Variants in PTGIS observed in about 807,000 individuals in gnomAD.
PTGIS encodes the protein prostaglandin I2 synthase.
PTGIS carries 45 observed loss-of-function variants against 50.3 expected under a neutral mutation model. The observed-to-expected ratio is 0.90, with a 90% confidence interval of 0.70 to 1.15. PTGIS has a LOEUF of 1.15. Ranked by LOEUF, PTGIS falls within the 50% of genes most tolerant of loss-of-function variation. PTGIS has a pLI of 0.00. For missense variants in PTGIS, 668 were observed against 661.3 expected (o/e 1.01, Z -0.11); for synonymous variants, 260 against 267.7 (o/e 0.97, Z 0.28).
intron 9 of PTGIS, among the ~76,000 whole-genome samples, chr20:49,508,610 G>A (rs1352808837): frequency 6.6e-6 from 1 of 152,152 alleles, no homozygotes; most frequent in Non-Finnish European, 1.5e-5. Context: ...CCACACTCCT[G>A]GAACCCTCAC....
intron 1 of PTGIS, among the ~76,000 whole-genome samples, chr20:49,561,814 G>A (rs887667166): frequency 3.3e-5 from 5 of 152,318 alleles, no homozygotes; most frequent in Admixed American, 2.0e-4. Flanking sequence ...CTAGTAGCTG[G>A]GAAGCAGCTG....
At position 49,547,917 on chromosome 20, in the gene PTGIS, T is replaced by C. The variant is rs772917943; in HGVS notation, c.301A>G (p.Ile101Val). ...TCAAAAATCCTCTCCATGAGGAAGA[T>C]GGCATAGGCATGGAAGTCGAGCCTG... ...RTRLDFHAYA[I>V]FLMERIFDVQ... Residue 101 changes from isoleucine (I) to valine (V), a missense_variant, in exon 3 of 10, where the codon ATC becomes GTC. Transcript: ENST00000244043. 3 of 1,614,026 alleles carry C rather than the reference T, an allele frequency of 1.9e-6. No homozygotes were observed. Among genetic ancestry groups the C allele is most frequent in the African/African-American group, 2.7e-5 (2 of 74,920 alleles).
At chr20:49,511,318 A>G in intron 8 of PTGIS, 139 bp from the exon 9 acceptor site, 2 of 969,452 alleles carry the variant, frequency 2.1e-6, no homozygotes, top group South Asian at 2.8e-5. Flanking sequence ...TTGATAGGGG[A>G]TTGGTTAAAA....
chr20:49,539,736 C>T lies in PTGIS; in HGVS notation c.522-15G>A, dbSNP rs1555804674. ...GGTAGCCGGCTCTGGGGGCGGCAGA[C>T]AGAGGGTCAGGGGTCCTCCTGGGAC... On this transcript the variant is annotated splice_polypyrimidine_tract_variant and intron_variant, in intron 4 of 9. Transcript: ENST00000244043. 2 of 1,606,974 alleles carry T rather than the reference C, an allele frequency of 1.2e-6. No homozygotes were observed. The highest frequency in any genetic ancestry group is 1.7e-6 in the Non-Finnish European group (2 of 1,179,174).
chr20:49,565,815 G>A (rs1403443072), intron 1 of PTGIS, among the ~76,000 whole-genome samples: 4 of 152,170 alleles, frequency 2.6e-5, no homozygotes, highest in Admixed American at 6.5e-5. Context: ...AAGTGAGATT[G>A]GGGATCTAAA....
chr20:49,556,123 A>T, intron 1 of PTGIS, among the ~76,000 whole-genome samples: 1 of 152,180 alleles, frequency 6.6e-6, no homozygotes, highest in East Asian at 1.9e-4. Flanking sequence ...AGTAAAGTAT[A>T]CTCTCATGAG....
At chr20:49,518,090 G>A (rs1357385375) in intron 6 of PTGIS, among the ~76,000 whole-genome samples, 1 of 152,250 alleles carries the variant, frequency 6.6e-6, no homozygotes, top group Non-Finnish European at 1.5e-5. Flanking sequence ...ATCCCCCAGG[G>A]GGAGACCCTC....
chr20:49,516,034 C>T (rs60169668), intron 6 of PTGIS, among the ~76,000 whole-genome samples: 3 of 145,736 alleles, frequency 2.1e-5, no homozygotes, highest in African/African-American at 7.9e-5. Flanking sequence ...GCATGTGCTA[C>T]CCAGCTAGGT....
chr20:49,523,950 T>C (rs1297694950), intron 6 of PTGIS, 108 bp downstream of exon 6: 2 of 1,339,028 alleles, frequency 1.5e-6, no homozygotes, highest in African/African-American at 1.4e-5. Context: ...CACACAGGCA[T>C]AGTCATGTGC....
At chr20:49,552,046 C>T (rs983605113) in intron 1 of PTGIS, among the ~76,000 whole-genome samples, 3 of 152,116 alleles carry the variant, frequency 2.0e-5, no homozygotes, top group African/African-American at 7.2e-5. Context: ...AGGTGCCAGA[C>T]TCCTTCTGGG....
intron 5 of PTGIS, among the ~76,000 whole-genome samples, chr20:49,526,972 A>G (rs1277814473): frequency 6.6e-6 from 1 of 152,334 alleles, no homozygotes; most frequent in African/African-American, 2.4e-5. Context: ...AGTTCTAGGT[A>G]TATAGCCCAA....
chr20:49,562,673 C>T (rs1434428423), intron 1 of PTGIS, among the ~76,000 whole-genome samples: 1 of 152,238 alleles, frequency 6.6e-6, no homozygotes, highest in Non-Finnish European at 1.5e-5. Context: ...TTCCTGCCCA[C>T]CCTGGGTCAG....
In PTGIS at chr20:49,511,031, T is replaced by G. The variant is rs745520287; in HGVS notation, c.1355A>C (p.Lys452Thr). ...CCTGCCCTGGCCCCCCACTCACTGT[T>G]TGATGCTGTTGACCGCATAACTCCT... is the stretch of plus-strand genomic sequence containing the variant. ...LGRSYAVNSI[K>T]QFVFLVLVHL... The change falls in exon 9 of 10, where the codon AAA becomes ACA. Residue 452 changes from lysine to threonine, a missense_variant. Lys to Thr is a moderately conservative substitution (Grantham distance 78). Transcript: ENST00000244043. 6.2e-7 allele frequency: 1 copy of G among 1,613,140 alleles called. No individual in the cohort carries two copies. The highest frequency in any genetic ancestry group is 2.2e-5 in the East Asian group (1 of 44,880).
intron 7 of PTGIS, 51 bp from the exon 8 acceptor site, chr20:49,513,312 T>C (rs1288594425): frequency 6.3e-7 from 1 of 1,575,950 alleles, no homozygotes; most frequent in Non-Finnish European, 8.6e-7. Context: ...CTTCACCTGC[T>C]CATATGCCAA....
chr20:49,550,012 A>G (rs745525926), intron 2 of PTGIS, 54 bp downstream of exon 2: 76 of 1,613,644 alleles, frequency 4.7e-5, no homozygotes, highest in Non-Finnish European at 5.7e-5. Context: ...CAGAAACCAG[A>G]TATGAGGCCC....
At chr20:49,550,691 T>A (rs955078640) in intron 1 of PTGIS, among the ~76,000 whole-genome samples, 1 of 152,154 alleles carries the variant, frequency 6.6e-6, no homozygotes, top group Non-Finnish European at 1.5e-5. Context: ...CTGCAGAGAA[T>A]CCCGAATCTC....
At chr20:49,549,554 C>A (rs1982451464) in intron 2 of PTGIS, among the ~76,000 whole-genome samples, 1 of 152,136 alleles carries the variant, frequency 6.6e-6, no homozygotes. Context: ...TGGAAGAACT[C>A]TGGGTAGATC....
chr20:49,504,351 A>G lies in PTGIS; in HGVS notation c.*3569T>C, dbSNP rs1346928073. On this transcript the variant is annotated 3_prime_UTR_variant, in exon 10 of 10. Transcript: ENST00000244043. ...CTTTCTATTTTTGGCAGTGAGTGAT[A>G]CATGTTATCCACTATTGGCAGCAAT... is the stretch of plus-strand genomic sequence containing the variant. 1.3e-5 allele frequency: 2 copies of G among 152,260 alleles called. No homozygotes were observed. The highest frequency in any genetic ancestry group is 2.4e-5 in the African/African-American group (1 of 41,454). 9.4% of individuals were successfully genotyped at this position (152,260 alleles called of 1,614,324 possible).
In PTGIS at chr20:49,506,264, G is replaced by A. The variant is rs938310659; in HGVS notation, c.*1656C>T. ...GTGAGGAGTAGACATACTGTCTGTA[G>A]GGTCTCTCGCAGGCATTTAAAGGGT... On this transcript the variant is annotated 3_prime_UTR_variant, in exon 10 of 10. Transcript: ENST00000244043. The A allele has an allele frequency of 6.6e-6, 1 of 152,174 alleles. No individual in the cohort carries two copies. Among genetic ancestry groups the A allele is most frequent in the South Asian group, 2.1e-4 (1 of 4,822 alleles). The allele number at this position is 152,174 out of a possible 1,614,324, so 9.4% of individuals were successfully genotyped here.
Sources: gnomAD v4.1 joint callset for allele counts (sites outside exome capture counted in the v4.1 genomes callset) on GRCh38, gnomAD v4.1.1 for gene constraint, MANE v1.5 for transcripts, NCBI Gene and HGNC (gene_info 2026-07-23, HGNC 2026-07-21) for gene names.